DGKB: variants seen among roughly 807,000 people sequenced by gnomAD.
DGKB encodes 90 kDa diacylglycerol kinase.
DGKB carries 67 observed loss-of-function variants against 114.3 expected under a neutral mutation model. The observed-to-expected ratio is 0.59, with a 90% confidence interval of 0.48 to 0.72. DGKB has a LOEUF of 0.72. DGKB is among the 30% of genes least tolerant of loss of function. The probability of loss-of-function intolerance (pLI) is 0.00; values close to 1 mark genes in which losing one functional copy is unlikely to be tolerated. For missense variants in DGKB, 907 were observed against 975.2 expected (o/e 0.93, Z 0.93); for synonymous variants, 398 against 323.1 (o/e 1.23, Z -2.49).
chr7:14,892,290 G>C (rs1043218772), intron 1 of DGKB, among the ~76,000 whole-genome samples: 1 of 151,058 alleles, frequency 6.6e-6, no homozygotes, highest in Non-Finnish European at 1.5e-5. Context: ...TGTCAGCGAA[G>C]GTAAGGCGAT....
chr7:14,166,996 G>A (rs966228962), intron 25 of DGKB, among the ~76,000 whole-genome samples: 2 of 152,078 alleles, frequency 1.3e-5, no homozygotes, highest in African/African-American at 2.4e-5. Flanking sequence ...GATTGCCTGA[G>A]CTCAGAAGTC....
At chr7:14,865,489 A>G (rs1429659587) in intron 1 of DGKB, among the ~76,000 whole-genome samples, 2 of 152,186 alleles carry the variant, frequency 1.3e-5, no homozygotes, top group Non-Finnish European at 2.9e-5. Flanking sequence ...CAGCTTCAAC[A>G]TTTGGATTAT....
chr7:14,455,948 G>A (rs1441460236), intron 21 of DGKB, among the ~76,000 whole-genome samples: 1 of 151,916 alleles, frequency 6.6e-6, no homozygotes, highest in African/African-American at 2.4e-5. Flanking sequence ...TTGAATTTGT[G>A]CCTTCACTAT....
intron 22 of DGKB, among the ~76,000 whole-genome samples, chr7:14,341,149 A>AC (rs1811542255): frequency 6.6e-6 from 1 of 151,850 alleles, no homozygotes; most frequent in South Asian, 2.1e-4. Flanking sequence ...AAAAATTCTC[A>AC]AACAGTCGCA....
chr7:14,664,523 T>C (rs894192844), intron 13 of DGKB, among the ~76,000 whole-genome samples: 3 of 152,014 alleles, frequency 2.0e-5, no homozygotes, highest in African/African-American at 7.2e-5. Flanking sequence ...GACCTTGTAT[T>C]TTCTCCCTCT....
chr7:14,932,951 A>C (rs1051992211), intron 1 of DGKB, among the ~76,000 whole-genome samples: 2 of 152,174 alleles, frequency 1.3e-5, no homozygotes, highest in Non-Finnish European at 2.9e-5. Context: ...ACCAAATGGC[A>C]CTGGAGCTGC....
chr7:14,401,932 T>A (rs992930001), intron 21 of DGKB, among the ~76,000 whole-genome samples: 14 of 150,900 alleles, frequency 9.3e-5, no homozygotes, highest in Admixed American at 2.7e-4. Flanking sequence ...AGGAAATCTA[T>A]CTCAAGAAAA....
rs187015209 is a variant in DGKB, at chr7:14,878,033, T to G, written c.-188+24559A>C. ...AGACACTTTTAATTCATCGATCTTA[T>G]GGTGACTTTAGGATTGCCCCAAAAC... On this transcript the variant is annotated intron_variant, in intron 1 of 25. Transcript: ENST00000402815. 6.6e-5 allele frequency among the ~76,000 whole-genome samples: 10 copies of G among 151,940 alleles called. No individual in the cohort carries two copies. The East Asian group carries it at 1.7e-3, about 26-fold the overall frequency.
At chr7:14,468,397 G>A (rs1780792758) in intron 21 of DGKB, among the ~76,000 whole-genome samples, 1 of 152,106 alleles carries the variant, frequency 6.6e-6, no homozygotes, top group South Asian at 2.1e-4. Context: ...CAAGGGAACA[G>A]AAGCTTCAGT....
chr7:14,605,388 A>ATGTG (rs111647761), intron 17 of DGKB, among the ~76,000 whole-genome samples: 110 of 147,100 alleles, frequency 7.5e-4, no homozygotes, highest in African/African-American at 2.4e-3. Flanking sequence ...ACACCTATAT[A>ATGTG]TGTGTGTGTG....
At chr7:14,576,184 T>C (rs138291037) in intron 19 of DGKB, among the ~76,000 whole-genome samples, 4 of 152,298 alleles carry the variant, frequency 2.6e-5, no homozygotes, top group Non-Finnish European at 5.9e-5. Context: ...AGCTATCATA[T>C]ATTTTACAGT....
At chr7:14,919,082 A>T (rs914720173) in intron 1 of DGKB, among the ~76,000 whole-genome samples, 13 of 130,944 alleles carry the variant, frequency 9.9e-5, no homozygotes, top group Admixed American at 5.6e-4. Flanking sequence ...ACACACACAC[A>T]CACACACACA....
intron 7 of DGKB, among the ~76,000 whole-genome samples, chr7:14,700,300 G>A (rs1038440495): frequency 3.4e-5 from 5 of 148,022 alleles, no homozygotes; most frequent in African/African-American, 1.0e-4. Flanking sequence ...TGCAACCTCC[G>A]CCTCCCGGGT....
rs199701138 is a variant in DGKB at position 14,888,352 on chromosome 7, CAT to C, written c.-188+14238_-188+14239del. Among the ~76,000 whole-genome samples, 1,256 of 151,696 alleles carry C rather than the reference CAT, an allele frequency of 8.3e-3. 16 individuals carry two copies. Among genetic ancestry groups the C allele is most frequent in the Middle Eastern group, 0.024 (7 of 294 alleles). On this transcript the variant is annotated intron_variant, in intron 1 of 25. Transcript: ENST00000402815. ...CCAGTGTTGAAATTTCCTGCACAAA[CAT>C]AGCCATACCCCTCTCACACATACTT... is the stretch of plus-strand genomic sequence containing the variant.
At chr7:14,936,893 T>G (rs1361071667) in intron 1 of DGKB, among the ~76,000 whole-genome samples, 2 of 152,014 alleles carry the variant, frequency 1.3e-5, no homozygotes, top group Non-Finnish European at 2.9e-5. Context: ...GGGACTAGGC[T>G]TTCATTTATA....
At chr7:14,763,777 GC>G (rs1161256216) in intron 2 of DGKB, among the ~76,000 whole-genome samples, 1 of 152,030 alleles carries the variant, frequency 6.6e-6, no homozygotes, top group African/African-American at 2.4e-5. Flanking sequence ...TACTGTTAAA[GC>G]TAAGACCCAA....
At chr7:14,440,575 T>C (rs931507549) in intron 21 of DGKB, among the ~76,000 whole-genome samples, 2 of 152,194 alleles carry the variant, frequency 1.3e-5, no homozygotes, top group African/African-American at 4.8e-5. Context: ...GTAACTCAAA[T>C]TCCTTCATTG....
At chr7:14,217,745 T>A (rs1269156389) in intron 23 of DGKB, among the ~76,000 whole-genome samples, 2 of 152,076 alleles carry the variant, frequency 1.3e-5, no homozygotes, top group African/African-American at 4.8e-5. Flanking sequence ...ATCTAGTCCC[T>A]TACGCTTTCC....
chr7:14,694,076 T>G lies in DGKB; in HGVS notation c.710A>C (p.Asn237Thr), dbSNP rs777898127. 7.0e-6 allele frequency: 11 copies of G among 1,581,706 alleles called. No homozygotes were observed. The Admixed American group carries it at 1.1e-4, about 16-fold the overall frequency. The change falls in exon 9 of 26, where the codon AAT (asparagine) becomes ACT (threonine). Residue 237 changes from asparagine (N) to threonine (T), a missense_variant and splice_region_variant. Physicochemically the swap from Asn to Thr is moderately conservative, Grantham distance 65. Transcript: ENST00000402815. ...ACCCTCCTCTGTGGAAATGCTTACATTTTCTAAGCCCAGGAGCACAAGAAG... is the reference window on the plus strand; with the variant it reads ...ACCCTCCTCTGTGGAAATGCTTACAGTTTCTAAGCCCAGGAGCACAAGAAG... ...IPLLVLLGLE[N>T]NVKDDGQHVW...
Sources: allele counts gnomAD v4.1 joint callset (sites outside exome capture counted in the v4.1 genomes callset), GRCh38; gene constraint gnomAD v4.1.1; transcripts MANE v1.5; gene names NCBI Gene and HGNC (gene_info 2026-07-23, HGNC 2026-07-21).